Variants in CEP112 observed in about 807,000 individuals in gnomAD.
CEP112 encodes the protein centrosomal protein 112.
In CEP112, 127 loss-of-function variants were observed where a neutral mutation model predicts 153.0. That is an observed-to-expected ratio of 0.83 (90% CI 0.72 to 0.96). The LOEUF is 0.96. CEP112 is among the 40% of genes least tolerant of loss of function. CEP112 has a pLI of 0.00. For missense variants in CEP112, 1,089 were observed against 1,101.2 expected, an observed-to-expected ratio of 0.99 and a Z score of 0.16; for synonymous variants, 358 against 374.4, an observed-to-expected ratio of 0.96 and a Z score of 0.51.
At chr17:65,889,753 C>T (rs898362981) in intron 20 of CEP112, among the ~76,000 whole-genome samples, 4 of 151,998 alleles carry the variant, frequency 2.6e-5, no homozygotes, top group African/African-American at 9.7e-5. Context: ...AACACATAAA[C>T]GTCCTACAGC....
rs115381911 is a variant in CEP112 at position 65,927,357 on chromosome 17, T to C, written c.1980+225A>G. On this transcript the variant is annotated intron_variant, in intron 19 of 26. Transcript: ENST00000535342. Reference sequence around the variant, plus strand: ...CAGTCTCATCAATTATAATCGATGTTTCAATCAAACATTCAGATAAAACAA... The same window carrying C: ...CAGTCTCATCAATTATAATCGATGTCTCAATCAAACATTCAGATAAAACAA... Among the ~76,000 whole-genome samples, 1,319 of 152,280 alleles carry C rather than the reference T, an allele frequency of 8.7e-3. 17 individuals are homozygous for C. The highest frequency in any genetic ancestry group is 0.03 in the African/African-American group (1,263 of 41,550).
At chr17:65,971,594 T>C (rs765416187) in intron 17 of CEP112, among the ~76,000 whole-genome samples, 28 of 57,320 alleles carry the variant, frequency 4.9e-4, no homozygotes, top group Non-Finnish European at 9.3e-4. Context: ...ATTACATGCA[T>C]GCATATTGTG....
intron 21 of CEP112, among the ~76,000 whole-genome samples, chr17:65,766,310 A>G (rs898016417): frequency 1.1e-4 from 15 of 141,808 alleles, no homozygotes; most frequent in Non-Finnish European, 3.1e-5. Context: ...TTATCAGTGT[A>G]AAATAGTCAA....
chr17:65,773,775 C>T (rs2053520022), intron 21 of CEP112, among the ~76,000 whole-genome samples: 1 of 151,998 alleles, frequency 6.6e-6, no homozygotes, highest in African/African-American at 2.4e-5. Flanking sequence ...TTCCCTGCCT[C>T]GTGGGAAAGT....
chr17:66,031,486 G>GT (rs71160520), intron 12 of CEP112, among the ~76,000 whole-genome samples: 1,026 of 21,338 alleles, frequency 0.048, 9 homozygotes, highest in African/African-American at 0.11. Flanking sequence ...TTTTTTTTTT[G>GT]TTTTTTTTTT....
At chr17:65,716,341 A>G (rs961506444) in intron 23 of CEP112, among the ~76,000 whole-genome samples, 1 of 151,906 alleles carries the variant, frequency 6.6e-6, no homozygotes, top group African/African-American at 2.4e-5. Context: ...TTGTATATTT[A>G]GTAGAGATGG....
intron 6 of CEP112, among the ~76,000 whole-genome samples, chr17:66,099,504 C>CAAAAAAA (rs71160532): frequency 5.3e-5 from 6 of 113,944 alleles, no homozygotes; most frequent in East Asian, 3.3e-4. Flanking sequence ...AACTCTGTCT[C>CAAAAAAA]AAAAAAAAAA....
rs148004657 is a variant in CEP112 at position 65,900,222 on chromosome 17, C to T, written c.2163+1930G>A. 2.3e-3 allele frequency among the ~76,000 whole-genome samples: 349 copies of T among 152,220 alleles called. 1 individual carries two copies. Among genetic ancestry groups the T allele is most frequent in the African/African-American group, 8.0e-3 (334 of 41,556 alleles). On this transcript the variant is annotated intron_variant, in intron 20 of 26. Transcript: ENST00000535342. The stretch of plus-strand genomic sequence containing the variant: ...AGTACAACATACACAAAATTATTTT[C>T]CTTTTGAGCAAGAATGCATTTAGCC...
chr17:65,970,674 A>C (rs1324206359), intron 17 of CEP112, among the ~76,000 whole-genome samples: 1 of 151,852 alleles, frequency 6.6e-6, no homozygotes, highest in Non-Finnish European at 1.5e-5. Context: ...TGCATATTAC[A>C]CGCATATCAC....
At chr17:66,039,663 T>C (rs1359612078) in intron 12 of CEP112, among the ~76,000 whole-genome samples, 1 of 152,152 alleles carries the variant, frequency 6.6e-6, no homozygotes, top group African/African-American at 2.4e-5. Flanking sequence ...AAATAAATTC[T>C]GATAACTTTT....
At chr17:66,089,904 A>C (rs2068071815) in intron 8 of CEP112, among the ~76,000 whole-genome samples, 1 of 152,162 alleles carries the variant, frequency 6.6e-6, no homozygotes, top group African/African-American at 2.4e-5. Flanking sequence ...GTCAAATATA[A>C]AGAACAAATG....
chr17:65,769,953 T>TA (rs1196128752), intron 21 of CEP112, among the ~76,000 whole-genome samples: 1 of 152,044 alleles, frequency 6.6e-6, no homozygotes, highest in Non-Finnish European at 1.5e-5. Flanking sequence ...ATCCAAATGG[T>TA]TCCCAGAGAG....
chr17:65,725,306 C>T (rs1287796767), intron 23 of CEP112, among the ~76,000 whole-genome samples: 1 of 151,962 alleles, frequency 6.6e-6, no homozygotes, highest in Non-Finnish European at 1.5e-5. Context: ...TATTTAGTAA[C>T]CAGGGATTAT....
chr17:66,003,719 G>T (rs533756014), intron 17 of CEP112, among the ~76,000 whole-genome samples: 1 of 152,162 alleles, frequency 6.6e-6, no homozygotes, highest in South Asian at 2.1e-4. Context: ...TGAGCCCCGG[G>T]CAAGCCAGCA....
chr17:65,910,208 C>T (rs2060234413), intron 19 of CEP112, among the ~76,000 whole-genome samples: 1 of 152,124 alleles, frequency 6.6e-6, no homozygotes, highest in Non-Finnish European at 1.5e-5. Flanking sequence ...TTTCTCCATC[C>T]CTATCACGAT....
chr17:66,089,074 C>T (rs1284779745), intron 8 of CEP112, among the ~76,000 whole-genome samples: 1 of 152,214 alleles, frequency 6.6e-6, no homozygotes, highest in Non-Finnish European at 1.5e-5. Flanking sequence ...CAAGCTCAAA[C>T]ATGAGGACCA....
At chr17:66,169,998 T>C (rs1201845270) in intron 4 of CEP112, among the ~76,000 whole-genome samples, 1 of 152,198 alleles carries the variant, frequency 6.6e-6, no homozygotes, top group East Asian at 1.9e-4. Flanking sequence ...ACTTCCCGAC[T>C]TGTGTGGATG....
chr17:66,186,837 CCTAA>C (rs2072955255), intron 1 of CEP112, among the ~76,000 whole-genome samples: 1 of 152,176 alleles, frequency 6.6e-6, no homozygotes, highest in African/African-American at 2.4e-5. Context: ...TCCAGCTTCT[CCTAA>C]CTCTCAATTT....
At chr17:65,874,996 T>C (rs1339877316) in intron 20 of CEP112, among the ~76,000 whole-genome samples, 2 of 152,094 alleles carry the variant, frequency 1.3e-5, no homozygotes, top group African/African-American at 4.8e-5. Flanking sequence ...CCCTAAAATG[T>C]ATATACCTTT....
Sources: gnomAD v4.1 joint callset for allele counts (sites outside exome capture counted in the v4.1 genomes callset) on GRCh38, gnomAD v4.1.1 for gene constraint, MANE v1.5 for transcripts, NCBI Gene and HGNC (gene_info 2026-07-23, HGNC 2026-07-21) for gene names.